Variants in PCLO observed in about 807,000 individuals in gnomAD.
PCLO encodes the protein protein piccolo.
In PCLO, 82 loss-of-function variants were observed where a neutral mutation model predicts 427.5. The ratio of observed to expected loss-of-function variants is 0.19; its 90% CI spans 0.16 to 0.23. The LOEUF (loss-of-function observed/expected upper bound fraction) is 0.23. Ranked by LOEUF, PCLO falls within the 10% of genes least tolerant of loss-of-function variation. The pLI, the probability that PCLO is intolerant of heterozygous loss-of-function variation, is 1.00. For missense variants in PCLO, 6,239 were observed against 6,115.9 expected (o/e 1.02, Z -0.67); for synonymous variants, 2,357 against 2,155.4 (o/e 1.09, Z -2.59).
At chr7:83,099,264 C>T (rs1790674582) in intron 3 of PCLO, among the ~76,000 whole-genome samples, 1 of 145,778 alleles carries the variant, frequency 6.9e-6, no homozygotes, top group Non-Finnish European at 1.5e-5. Context: ...GAGATACTGA[C>T]AGCAAGGACA....
chr7:83,152,961 C>T (rs1443220073), intron 2 of PCLO, among the ~76,000 whole-genome samples: 2 of 152,044 alleles, frequency 1.3e-5, no homozygotes, highest in African/African-American at 4.8e-5. Flanking sequence ...AACTGTCTTT[C>T]TTACATTGGA....
At chr7:82,809,724 A>T (rs954628625) in intron 20 of PCLO, among the ~76,000 whole-genome samples, 3 of 151,690 alleles carry the variant, frequency 2.0e-5, no homozygotes, top group Non-Finnish European at 4.4e-5. Flanking sequence ...TAAATTTCTC[A>T]ACAAGAAGTC....
intron 3 of PCLO, among the ~76,000 whole-genome samples, chr7:83,113,333 G>T (rs527796353): frequency 6.6e-6 from 1 of 152,088 alleles, no homozygotes; most frequent in African/African-American, 2.4e-5. Context: ...GGATCACCAC[G>T]CCTGTTTTCT....
chr7:83,056,879 T>C (rs975608130), intron 3 of PCLO, among the ~76,000 whole-genome samples: 1 of 152,014 alleles, frequency 6.6e-6, no homozygotes, highest in Non-Finnish European at 1.5e-5. Context: ...ATTCCTTAAA[T>C]AATAAAACTT....
intron 19 of PCLO, among the ~76,000 whole-genome samples, chr7:82,823,079 T>C (rs142986000): frequency 6.6e-4 from 100 of 152,236 alleles, no homozygotes; most frequent in Non-Finnish European, 1.1e-3. Flanking sequence ...ATATTAAGTG[T>C]GGAGATTGTA....
intron 6 of PCLO, among the ~76,000 whole-genome samples, chr7:82,934,507 A>G (rs774554586): frequency 6.6e-5 from 10 of 151,866 alleles, no homozygotes; most frequent in Non-Finnish European, 1.3e-4. Flanking sequence ...ACTTATCTTA[A>G]GATGAAAACA....
In PCLO at chr7:82,952,754, T is replaced by C. The variant is rs1232104494; in HGVS notation, c.8199A>G (p.Val2733=). ...CAGTTGTTTTAACTTCTACCTTTGGTACTGTACGCAAATCAATTACATCAC... is the reference window on the plus strand; with the variant it reads ...CAGTTGTTTTAACTTCTACCTTTGGCACTGTACGCAAATCAATTACATCAC... ...LVGDVIDLRT[V]PKVEVKTTDK... is the part of the protein sequence containing the mutation. Residue 2733 remains valine, a synonymous_variant, in exon 5 of 25, where the codon GTA becomes GTG. Coordinates refer to ENST00000333891, the MANE Select transcript of PCLO (RefSeq NM_033026.6). The C allele has an allele frequency of 1.2e-6, 2 of 1,613,514 alleles. No individual in the cohort carries two copies. The highest frequency in any genetic ancestry group is 2.2e-5 in the South Asian group (2 of 91,062).
chr7:82,848,932 T>C (rs994507005), intron 10 of PCLO: 9 of 397,122 alleles, frequency 2.3e-5, no homozygotes, highest in African/African-American at 8.3e-5. Context: ...CTGTTGTACA[T>C]ATAAAATGAG....
chr7:82,793,502 G>A (rs985169614), intron 22 of PCLO, among the ~76,000 whole-genome samples: 8 of 152,072 alleles, frequency 5.3e-5, no homozygotes, highest in Non-Finnish European at 8.8e-5. Flanking sequence ...AACGCCATTC[G>A]AAATTGGGTT....
chr7:83,038,644 G>A (rs1440435749), intron 3 of PCLO, among the ~76,000 whole-genome samples: 2 of 151,846 alleles, frequency 1.3e-5, no homozygotes, highest in African/African-American at 2.4e-5. Flanking sequence ...GAGTACTTGG[G>A]TTGTTTCCAC....
At chr7:82,762,347 G>C (rs551975467) in intron 22 of PCLO, among the ~76,000 whole-genome samples, 1 of 152,004 alleles carries the variant, frequency 6.6e-6, no homozygotes, top group South Asian at 2.1e-4. Flanking sequence ...GTTCTCAAAA[G>C]GAAATATAAC....
intron 3 of PCLO, among the ~76,000 whole-genome samples, chr7:83,093,011 TAGAA>T (rs1309096586): frequency 6.7e-6 from 1 of 149,874 alleles, no homozygotes; most frequent in East Asian, 2.0e-4. Context: ...ATTGAAGTAA[TAGAA>T]AGATAAATAT....
chr7:83,078,811 C>T (rs577700016), intron 3 of PCLO, among the ~76,000 whole-genome samples: 1 of 152,084 alleles, frequency 6.6e-6, no homozygotes. Context: ...GCTGGGATAA[C>T]AGGCATGATC....
At chr7:82,972,965 T>C (rs947509440) in intron 3 of PCLO, among the ~76,000 whole-genome samples, 5 of 152,118 alleles carry the variant, frequency 3.3e-5, no homozygotes, top group Non-Finnish European at 7.4e-5. Flanking sequence ...CAATATGGTG[T>C]TCTATTCAAC....
intron 20 of PCLO, among the ~76,000 whole-genome samples, chr7:82,817,941 G>C (rs1416520786): frequency 1.3e-5 from 2 of 152,102 alleles, no homozygotes; most frequent in South Asian, 2.1e-4. Flanking sequence ...CTTAAATTTA[G>C]TATATTGGAT....
chr7:82,838,317 T>G lies in PCLO; in HGVS notation c.14123A>C (p.Asn4708Thr). The change falls in exon 15 of 25, where the codon AAT becomes ACT. Residue 4708 changes from asparagine to threonine, a missense_variant. By Grantham distance (65) the Asn-to-Thr change is moderately conservative. Coordinates refer to ENST00000333891, the MANE Select transcript of PCLO (RefSeq NM_033026.6). ...TGCTTGGAGAATATGTATTATGAGA[T>G]TTCCAAGATCATAGTTAATTTGAAG... ...IQLQINYDLG[N>T]LIIHILQARN... is the part of the protein sequence containing the mutation. 1.3e-6 allele frequency: 2 copies of G among 1,525,176 alleles called. No individual in the cohort carries two copies. Among genetic ancestry groups the G allele is most frequent in the Admixed American group, 1.8e-5 (1 of 54,836 alleles). The allele number at this position is 1,525,176 out of a possible 1,614,324, so 94.5% of individuals were successfully genotyped here. A position where few individuals can be genotyped will look rare whatever the true frequency, so the allele number is the denominator to read the frequency against.
chr7:82,833,390 T>C (rs1401201948), intron 16 of PCLO, among the ~76,000 whole-genome samples: 1 of 152,202 alleles, frequency 6.6e-6, no homozygotes, highest in African/African-American at 2.4e-5. Flanking sequence ...CATTTCTTAA[T>C]TATCCAACAG....
intron 6 of PCLO, among the ~76,000 whole-genome samples, chr7:82,922,356 G>A (rs1304585053): frequency 2.0e-5 from 3 of 151,960 alleles, no homozygotes; most frequent in Non-Finnish European, 4.4e-5. Context: ...ATCAATGGTA[G>A]ACTAGATAAA....
At chr7:83,063,554 G>A (rs1789591707) in intron 3 of PCLO, among the ~76,000 whole-genome samples, 1 of 151,934 alleles carries the variant, frequency 6.6e-6, no homozygotes, top group Non-Finnish European at 1.5e-5. Flanking sequence ...CCAATTCTAG[G>A]CTGGTGCAAG....
Sources: allele counts gnomAD v4.1 joint callset (sites outside exome capture counted in the v4.1 genomes callset), GRCh38; gene constraint gnomAD v4.1.1; transcripts MANE v1.5; gene names NCBI Gene and HGNC (gene_info 2026-07-23, HGNC 2026-07-21).